ARHGAP26: variants seen among roughly 807,000 people sequenced by gnomAD.
ARHGAP26 encodes Rho GTPase activating protein 26.
In ARHGAP26, 38 loss-of-function variants were observed where a neutral mutation model predicts 104.8. That is an observed-to-expected ratio of 0.36 (90% CI 0.28 to 0.48). The LOEUF (loss-of-function observed/expected upper bound fraction) is 0.48, where lower values mean the gene tolerates loss of function less well. ARHGAP26 is among the 20% of genes least tolerant of loss of function. The pLI is 0.99. For missense variants in ARHGAP26, 704 were observed against 947.9 expected (o/e 0.74, Z 3.38); for synonymous variants, 341 against 340.0 (o/e 1.00, Z -0.03).
intron 11 of ARHGAP26, among the ~76,000 whole-genome samples, chr5:142,950,982 C>A (rs1345372108): frequency 1.3e-5 from 2 of 150,962 alleles, no homozygotes; most frequent in South Asian, 2.1e-4. Flanking sequence ...TTTCCCTTTC[C>A]CTTCCTCTTT....
At chr5:142,842,713 C>T (rs572012324) in intron 1 of ARHGAP26, among the ~76,000 whole-genome samples, 2 of 152,246 alleles carry the variant, frequency 1.3e-5, no homozygotes, top group South Asian at 4.2e-4. Flanking sequence ...ATTTCTGAGG[C>T]CAATTTCCCA....
chr5:142,963,484 T>C (rs944814138), intron 11 of ARHGAP26, among the ~76,000 whole-genome samples: 3 of 152,024 alleles, frequency 2.0e-5, no homozygotes, highest in African/African-American at 7.2e-5. Context: ...AATATAAGCA[T>C]TTTCTTTTCT....
intron 1 of ARHGAP26, among the ~76,000 whole-genome samples, chr5:142,848,340 C>T (rs1348679001): frequency 6.6e-6 from 1 of 152,116 alleles, no homozygotes; most frequent in Non-Finnish European, 1.5e-5. Context: ...GGCCATCACT[C>T]CCCGGGGTCT....
intron 17 of ARHGAP26, among the ~76,000 whole-genome samples, chr5:143,075,203 T>A (rs1383732239): frequency 6.6e-6 from 1 of 152,182 alleles, no homozygotes; most frequent in African/African-American, 2.4e-5. Context: ...CTTTAACATT[T>A]CAATTGCACA....
intron 1 of ARHGAP26, among the ~76,000 whole-genome samples, chr5:142,799,528 G>A (rs771379823): frequency 1.3e-5 from 2 of 152,216 alleles, no homozygotes; most frequent in Non-Finnish European, 2.9e-5. Flanking sequence ...TCCTTGAGCT[G>A]TAGGAATGAC....
chr5:142,943,568 T>G (rs1327678260), intron 11 of ARHGAP26, among the ~76,000 whole-genome samples: 2 of 152,216 alleles, frequency 1.3e-5, no homozygotes, highest in African/African-American at 4.8e-5. Flanking sequence ...CTACTTTCTG[T>G]TATCATCACA....
intron 11 of ARHGAP26, among the ~76,000 whole-genome samples, chr5:142,933,715 C>G (rs1379381499): frequency 6.6e-6 from 1 of 152,116 alleles, no homozygotes; most frequent in East Asian, 1.9e-4. Flanking sequence ...TATCTACCTG[C>G]AAAGCAGGCT....
chr5:142,817,728 G>A (rs1765413379), intron 1 of ARHGAP26, among the ~76,000 whole-genome samples: 1 of 152,216 alleles, frequency 6.6e-6, no homozygotes, highest in Admixed American at 6.5e-5. Flanking sequence ...GCCAGGAGCA[G>A]TCATTACATC....
intron 1 of ARHGAP26, among the ~76,000 whole-genome samples, chr5:142,827,882 C>G (rs1390718096): frequency 6.6e-6 from 1 of 152,238 alleles, no homozygotes; most frequent in African/African-American, 2.4e-5. Flanking sequence ...GCTAATGATT[C>G]TCCTGGCATC....
At chr5:142,844,751 A>G (rs1771579943) in intron 1 of ARHGAP26, among the ~76,000 whole-genome samples, 1 of 151,132 alleles carries the variant, frequency 6.6e-6, no homozygotes, top group Non-Finnish European at 1.5e-5. Flanking sequence ...GCTACTTGGG[A>G]GGCGGAGGCA....
In ARHGAP26 at chr5:142,808,262, AAAAAAAAAAAAAAAT is replaced by A. The variant is rs1358998465; in HGVS notation, c.154+37348_154+37362del. Among the ~76,000 whole-genome samples, 155 of 146,472 alleles carry A rather than the reference AAAAAAAAAAAAAAAT, an allele frequency of 1.1e-3. 2 individuals are homozygous for A. Among genetic ancestry groups the A allele is most frequent in the African/African-American group, 4.0e-3 (151 of 37,888 alleles). On this transcript the variant is annotated intron_variant, in intron 1 of 22. Transcript: ENST00000645722. ...AAAAAAAAAAAAAAAAAAAAAAAAA[AAAAAAAAAAAAAAAT>A]GTTGTATTTTAGGAGAACATTGATC...
In ARHGAP26 at chr5:143,024,065, G is replaced by A. The variant is rs112680659; in HGVS notation, c.1144+9949G>A. The stretch of plus-strand genomic sequence containing the variant: ...CAACACAGTTGCTGTGGTGCATTGA[G>A]CTTGAATTACATTTAGTTGAGCTGT... On this transcript the variant is annotated intron_variant, in intron 12 of 22. Transcript: ENST00000645722. 5.3e-5 allele frequency among the ~76,000 whole-genome samples: 8 copies of A among 152,340 alleles called. 1 individual carries two copies. Among genetic ancestry groups the A allele is most frequent in the African/African-American group, 1.9e-4 (8 of 41,572 alleles).
intron 1 of ARHGAP26, among the ~76,000 whole-genome samples, chr5:142,864,787 C>T (rs1349253865): frequency 1.3e-5 from 2 of 152,178 alleles, no homozygotes; most frequent in Admixed American, 6.5e-5. Context: ...CTGTGAGGTA[C>T]ATACTGTCCT....
At chr5:142,857,974 A>T (rs1318519344) in intron 1 of ARHGAP26, among the ~76,000 whole-genome samples, 3 of 152,068 alleles carry the variant, frequency 2.0e-5, no homozygotes, top group Non-Finnish European at 4.4e-5. Context: ...AGTTGGATTC[A>T]GGTGAAATTC....
At chr5:142,961,317 C>T (rs1368935286) in intron 11 of ARHGAP26, among the ~76,000 whole-genome samples, 1 of 152,022 alleles carries the variant, frequency 6.6e-6, no homozygotes, top group African/African-American at 2.4e-5. Context: ...GTGGTGAAAC[C>T]CCATCTCTAC....
At chr5:142,804,093 G>A (rs980017609) in intron 1 of ARHGAP26, among the ~76,000 whole-genome samples, 2 of 152,174 alleles carry the variant, frequency 1.3e-5, no homozygotes, top group African/African-American at 2.4e-5. Flanking sequence ...CGTAAAGTCA[G>A]CCTGACCTAA....
rs1188448283 is a variant in ARHGAP26, at chr5:143,196,386, G to A, written c.1989-10812G>A. Among the ~76,000 whole-genome samples the A allele has an allele frequency of 3.3e-5, 5 of 152,222 alleles. No homozygotes were observed. The East Asian group carries it at 7.7e-4, about 23-fold the overall frequency. On this transcript the variant is annotated intron_variant, in intron 20 of 22. Coordinates refer to ENST00000645722, the MANE Select transcript of ARHGAP26 (RefSeq NM_001135608.3). ...TGTTCTATAAAGTCACTGCAAACAC[G>A]GAATTACTGAATACTAAGCCATTGC...
chr5:143,017,257 G>A (rs1408766889), intron 12 of ARHGAP26, among the ~76,000 whole-genome samples: 2 of 152,170 alleles, frequency 1.3e-5, no homozygotes, highest in African/African-American at 4.8e-5. Context: ...CTTTCATCTC[G>A]AAGTTTCTCT....
chr5:142,964,175 C>T (rs1770869817), intron 11 of ARHGAP26, among the ~76,000 whole-genome samples: 1 of 151,990 alleles, frequency 6.6e-6, no homozygotes, highest in Admixed American at 6.6e-5. Flanking sequence ...TAGCCTTTTA[C>T]CCTGAAGGAT....
Sources: allele counts gnomAD v4.1 joint callset (sites outside exome capture counted in the v4.1 genomes callset), GRCh38; gene constraint gnomAD v4.1.1; transcripts MANE v1.5; gene names NCBI Gene and HGNC (gene_info 2026-07-23, HGNC 2026-07-21).